Variants in FRMD5 observed in about 807,000 individuals in gnomAD.
FRMD5 encodes the protein FERM domain-containing protein 5.
In FRMD5, 20 loss-of-function variants were observed where a neutral mutation model predicts 69.0. That is an observed-to-expected ratio of 0.29 (90% CI 0.20 to 0.42). FRMD5 has a LOEUF of 0.42. FRMD5 is among the 10% of genes least tolerant of loss of function. FRMD5 has a pLI of 1.00. For missense variants in FRMD5, 595 were observed against 708.6 expected, an observed-to-expected ratio of 0.84 and a Z score of 1.82; for synonymous variants, 271 against 260.1, an observed-to-expected ratio of 1.04 and a Z score of -0.40.
chr15:43,937,503 T>G (rs1181455964), intron 1 of FRMD5, among the ~76,000 whole-genome samples: 1 of 151,950 alleles, frequency 6.6e-6, no homozygotes, highest in Non-Finnish European at 1.5e-5. Context: ...CTGGGCGTGA[T>G]GGTACGTGCC....
chr15:44,120,689 A>ATTTTT (rs5812266), intron 1 of FRMD5, among the ~76,000 whole-genome samples: 1 of 148,452 alleles, frequency 6.7e-6, no homozygotes, highest in Non-Finnish European at 1.5e-5. Context: ...CGCCCAGCTA[A>ATTTTT]TTTTTTTTTT....
chr15:44,027,865 C>T (rs921107424), intron 1 of FRMD5, among the ~76,000 whole-genome samples: 1 of 152,028 alleles, frequency 6.6e-6, no homozygotes, highest in Non-Finnish European at 1.5e-5. Flanking sequence ...AGAATGGTCT[C>T]TATCTCCTGA....
At position 44,030,178 on chromosome 15, in the gene FRMD5, A is replaced by G. The variant is rs992162554; in HGVS notation, c.103-105869T>C. Among the ~76,000 whole-genome samples, 15 of 152,262 alleles carry G rather than the reference A, an allele frequency of 9.9e-5. 1 individual carries two copies. Among genetic ancestry groups the G allele is most frequent in the Admixed American group, 9.8e-4 (15 of 15,282 alleles). ...GACTAAATGGGAATGAACATGTGTGATCATTACAACACTGATTTTTTTTTT... is the reference window on the plus strand; with the variant it reads ...GACTAAATGGGAATGAACATGTGTGGTCATTACAACACTGATTTTTTTTTT... On this transcript the variant is annotated intron_variant, in intron 1 of 13. Coordinates refer to ENST00000417257, the MANE Select transcript of FRMD5 (RefSeq NM_032892.5).
At chr15:44,064,963 C>T (rs1206269463) in intron 1 of FRMD5, among the ~76,000 whole-genome samples, 2 of 152,168 alleles carry the variant, frequency 1.3e-5, no homozygotes, top group Admixed American at 6.5e-5. Flanking sequence ...ATATGCCATG[C>T]ACACAGCTTG....
chr15:43,897,487 C>CAAAAA (rs34243475), intron 7 of FRMD5, among the ~76,000 whole-genome samples: 6 of 16,134 alleles, frequency 3.7e-4, no homozygotes, highest in Non-Finnish European at 6.5e-4. Flanking sequence ...CACTCCATCT[C>CAAAAA]AAAAAAAAAA....
At chr15:44,087,962 T>C (rs1007567842) in intron 1 of FRMD5, among the ~76,000 whole-genome samples, 7 of 152,174 alleles carry the variant, frequency 4.6e-5, no homozygotes, top group Admixed American at 1.3e-4. Context: ...GTGAGTCACA[T>C]TGTCTGAGAA....
At chr15:43,927,760 TCACAAA>T (rs2089609733) in intron 1 of FRMD5, among the ~76,000 whole-genome samples, 1 of 152,100 alleles carries the variant, frequency 6.6e-6, no homozygotes, top group African/African-American at 2.4e-5. Flanking sequence ...AAAATGTTTT[TCACAAA>T]CACTACTACA....
chr15:44,065,243 C>T (rs1893260152), intron 1 of FRMD5, among the ~76,000 whole-genome samples: 1 of 152,184 alleles, frequency 6.6e-6, no homozygotes, highest in Admixed American at 6.5e-5. Context: ...AGGATTATCA[C>T]TATTGGTACT....
chr15:44,120,967 T>C (rs971536911), intron 1 of FRMD5, among the ~76,000 whole-genome samples: 1 of 152,076 alleles, frequency 6.6e-6, no homozygotes, highest in Non-Finnish European at 1.5e-5. Flanking sequence ...AGTCAACTTA[T>C]AAATTTAGTA....
chr15:43,909,745 G>A (rs2089251488), intron 5 of FRMD5, 137 bp downstream of exon 5: 1 of 535,194 alleles, frequency 1.9e-6, no homozygotes, highest in South Asian at 2.4e-5. Context: ...CTCCCAAAGT[G>A]CTAGGACTAC....
chr15:44,192,040 C>G (rs1271779521), intron 1 of FRMD5, among the ~76,000 whole-genome samples: 4 of 151,072 alleles, frequency 2.6e-5, no homozygotes, highest in African/African-American at 9.7e-5. Context: ...GAGCTGTTAA[C>G]AATGTTCTTC....
chr15:44,161,749 C>T (rs1208358576), intron 1 of FRMD5, among the ~76,000 whole-genome samples: 1 of 152,116 alleles, frequency 6.6e-6, no homozygotes, highest in Non-Finnish European at 1.5e-5. Context: ...TCCAAATGTT[C>T]CAAGTTCCAA....
At chr15:43,960,111 C>T (rs570296027) in intron 1 of FRMD5, among the ~76,000 whole-genome samples, 14 of 151,976 alleles carry the variant, frequency 9.2e-5, no homozygotes, top group East Asian at 7.8e-4. Flanking sequence ...TTTTTTGAGA[C>T]GGAGTCTCGC....
At chr15:43,887,049 G>C (rs555337913) in intron 10 of FRMD5, among the ~76,000 whole-genome samples, 2 of 152,330 alleles carry the variant, frequency 1.3e-5, no homozygotes, top group Non-Finnish European at 2.9e-5. Context: ...CCGTGACACA[G>C]ATGGGAAAAC....
chr15:44,198,283 C>A (rs2078323526), upstream of FRMD5, among the ~76,000 whole-genome samples: 1 of 145,708 alleles, frequency 6.9e-6, no homozygotes, highest in African/African-American at 2.5e-5. Flanking sequence ...GCCAAGATCA[C>A]ACCACTGCAC....
At chr15:44,152,544 T>C (rs1309684075) in intron 1 of FRMD5, among the ~76,000 whole-genome samples, 1 of 152,254 alleles carries the variant, frequency 6.6e-6, no homozygotes, top group African/African-American at 2.4e-5. Flanking sequence ...ACAGCATTCT[T>C]GAGTTACCTC....
intron 1 of FRMD5, among the ~76,000 whole-genome samples, chr15:44,049,421 T>C (rs1892563882): frequency 1.3e-5 from 2 of 152,140 alleles, no homozygotes; most frequent in South Asian, 4.1e-4. Context: ...CCCTAGTGAA[T>C]AAAGGGCTGG....
At chr15:44,114,704 GA>G (rs1340314639) in intron 1 of FRMD5, among the ~76,000 whole-genome samples, 1 of 152,080 alleles carries the variant, frequency 6.6e-6, no homozygotes, top group Non-Finnish European at 1.5e-5. Context: ...CTTTTAAAAA[GA>G]AAGAAATCTG....
chr15:43,935,594 A>G (rs530993493), intron 1 of FRMD5, among the ~76,000 whole-genome samples: 26 of 152,300 alleles, frequency 1.7e-4, no homozygotes, highest in African/African-American at 6.3e-4. Flanking sequence ...AGGAAGAACC[A>G]TGGTCCAGGC....
Sources: allele counts gnomAD v4.1 joint callset (sites outside exome capture counted in the v4.1 genomes callset), GRCh38; gene constraint gnomAD v4.1.1; transcripts MANE v1.5; gene names NCBI Gene and HGNC (gene_info 2026-07-23, HGNC 2026-07-21).